Variants in FILIP1L observed in about 807,000 individuals in gnomAD.
The protein encoded by FILIP1L is filamin A-interacting protein 1-like.
Under a neutral mutation model 96.6 loss-of-function variants are expected in FILIP1L, and 55 were observed. The observed-to-expected ratio is 0.57, with a 90% CI of 0.46 to 0.71. The LOEUF (loss-of-function observed/expected upper bound fraction) is 0.71. Among genes scored for constraint, FILIP1L ranks in the 30% least tolerant of loss-of-function variants. The probability of loss-of-function intolerance (pLI) is 0.00; values close to 1 mark genes in which losing one functional copy is unlikely to be tolerated. For missense variants in FILIP1L, 1,304 were observed against 1,321.2 expected (o/e 0.99, Z 0.20); for synonymous variants, 467 against 473.9 (o/e 0.99, Z 0.19).
chr3:100,109,266 C>G (rs1290596740), intron 1 of FILIP1L, among the ~76,000 whole-genome samples: 1 of 151,948 alleles, frequency 6.6e-6, no homozygotes, highest in African/African-American at 2.4e-5. Context: ...CATACAACAC[C>G]AAAGCAGGAT....
Position 99,930,783 on chromosome 3 carries a change from C to G in FILIP1L, c.238G>C (p.Glu80Gln). ...ACCCAGCTGACCTGCAGTTCTCCCT[C>G]CAGAATGCTGAGGAGAAATAACAGG... is the stretch of plus-strand genomic sequence containing the variant. ...DDLLFLLSIL[E>Q]GELQARDEVI... is the part of the protein sequence containing the mutation. The change falls in exon 2 of 6, where the codon GAG (glutamate) becomes CAG (glutamine). Residue 80 changes from glutamate to glutamine, a missense_variant. By Grantham distance (29) the Glu-to-Gln change is conservative. Transcript: ENST00000477258. 11 of 1,613,298 alleles carry G rather than the reference C, an allele frequency of 6.8e-6. No homozygotes were observed. The highest frequency in any genetic ancestry group is 9.3e-6 in the Non-Finnish European group (11 of 1,179,838).
intron 1 of FILIP1L, among the ~76,000 whole-genome samples, chr3:100,031,161 A>G (rs1381817056): frequency 2.0e-5 from 3 of 152,132 alleles, no homozygotes; most frequent in Non-Finnish European, 4.4e-5. Flanking sequence ...ATGTACTTAA[A>G]TGTCATATTT....
intron 1 of FILIP1L, among the ~76,000 whole-genome samples, chr3:100,036,747 A>T (rs1434124048): frequency 6.6e-6 from 1 of 152,184 alleles, no homozygotes; most frequent in Non-Finnish European, 1.5e-5. Context: ...ATTAATAATC[A>T]TGGGAAATAG....
intron 1 of FILIP1L, among the ~76,000 whole-genome samples, chr3:99,992,362 T>A (rs539938354): frequency 1.3e-5 from 2 of 152,252 alleles, no homozygotes; most frequent in Non-Finnish European, 2.9e-5. Context: ...TAATAGCCAT[T>A]CTGACTGATA....
At chr3:99,882,675 G>T (rs1030425935) in intron 4 of FILIP1L, among the ~76,000 whole-genome samples, 5 of 152,140 alleles carry the variant, frequency 3.3e-5, no homozygotes, top group Non-Finnish European at 7.4e-5. Context: ...CAGTCACTGT[G>T]TTTTCTGGGA....
At chr3:100,071,831 T>C (rs1400861863) in intron 1 of FILIP1L, among the ~76,000 whole-genome samples, 1 of 152,202 alleles carries the variant, frequency 6.6e-6, no homozygotes, top group Admixed American at 6.5e-5. Context: ...AGGCTTACAC[T>C]TATTGGGCAC....
intron 4 of FILIP1L, among the ~76,000 whole-genome samples, chr3:99,893,884 G>C (rs761707733): frequency 3.3e-5 from 5 of 152,052 alleles, no homozygotes; most frequent in Non-Finnish European, 7.4e-5. Flanking sequence ...AAAAAATCTG[G>C]CTCCCCCTTT....
At chr3:100,084,174 C>A (rs980467027) in intron 1 of FILIP1L, among the ~76,000 whole-genome samples, 2 of 152,064 alleles carry the variant, frequency 1.3e-5, no homozygotes, top group Non-Finnish European at 2.9e-5. Context: ...CATTTGTGCC[C>A]CAGTTAAGCA....
intron 4 of FILIP1L, among the ~76,000 whole-genome samples, chr3:99,906,341 A>T (rs1275875269): frequency 2.0e-5 from 3 of 152,292 alleles, no homozygotes; most frequent in African/African-American, 7.2e-5. Context: ...AGGCCCCTTC[A>T]AGTCTGTTTC....
intron 1 of FILIP1L, among the ~76,000 whole-genome samples, chr3:100,055,130 G>A (rs2065442800): frequency 6.6e-6 from 1 of 152,110 alleles, no homozygotes; most frequent in Non-Finnish European, 1.5e-5. Context: ...CTGCCCTTCA[G>A]AACATTCTCA....
intron 1 of FILIP1L, among the ~76,000 whole-genome samples, chr3:100,096,182 C>T (rs2066204189): frequency 6.6e-6 from 1 of 152,096 alleles, no homozygotes; most frequent in African/African-American, 2.4e-5. Context: ...TTGGTACAAC[C>T]ACTGTGGACA....
At chr3:99,978,948 G>A (rs1022048275) in intron 1 of FILIP1L, among the ~76,000 whole-genome samples, 1 of 152,118 alleles carries the variant, frequency 6.6e-6, no homozygotes, top group African/African-American at 2.4e-5. Flanking sequence ...GGAGGAAAGG[G>A]AGGTGGATAT....
intron 1 of FILIP1L, among the ~76,000 whole-genome samples, chr3:100,028,705 A>G (rs73138669): frequency 0.06 from 9,081 of 152,256 alleles, 404 homozygotes; most frequent in South Asian, 0.1. Flanking sequence ...ATGATAATTT[A>G]TCCAGTTAGA....
intron 4 of FILIP1L, among the ~76,000 whole-genome samples, chr3:99,919,597 G>A (rs1707060708): frequency 1.3e-5 from 2 of 151,632 alleles, no homozygotes; most frequent in South Asian, 4.2e-4. Context: ...AAATCCTCTA[G>A]AAAGAAAATT....
chr3:99,837,807 TTC>T (rs1942962768), intron 5 of FILIP1L, among the ~76,000 whole-genome samples: 1 of 152,228 alleles, frequency 6.6e-6, no homozygotes, highest in African/African-American at 2.4e-5. Flanking sequence ...TGGGAAAATT[TTC>T]TGTTTCTGCA....
intron 1 of FILIP1L, among the ~76,000 whole-genome samples, chr3:100,016,643 G>A (rs576184468): frequency 1.3e-5 from 2 of 152,170 alleles, no homozygotes. Context: ...ATATAAAATA[G>A]GAGTACACTA....
intron 3 of FILIP1L, among the ~76,000 whole-genome samples, chr3:99,929,043 T>C (rs1707386916): frequency 6.6e-6 from 1 of 152,218 alleles, no homozygotes; most frequent in African/African-American, 2.4e-5. Flanking sequence ...TTGAGGGAAA[T>C]TTGTCTGAAA....
intron 5 of FILIP1L, among the ~76,000 whole-genome samples, chr3:99,845,383 C>A (rs1016995502): frequency 1.3e-5 from 2 of 152,078 alleles, no homozygotes; most frequent in Admixed American, 1.3e-4. Flanking sequence ...CGTTCTGAAG[C>A]GAGGACTTAG....
chr3:100,065,767 T>G (rs2065653184), intron 1 of FILIP1L, among the ~76,000 whole-genome samples: 1 of 152,222 alleles, frequency 6.6e-6, no homozygotes, highest in Non-Finnish European at 1.5e-5. Flanking sequence ...CATATTCAGA[T>G]TCAAGGTGGA....
Sources: allele counts gnomAD v4.1 joint callset (sites outside exome capture counted in the v4.1 genomes callset), GRCh38; gene constraint gnomAD v4.1.1; transcripts MANE v1.5; gene names NCBI Gene and HGNC (gene_info 2026-07-23, HGNC 2026-07-21).